FRMD3: variants seen among roughly 807,000 people sequenced by gnomAD.
FRMD3 encodes the protein FERM domain containing 3, also known as FERM domain-containing protein 3.
FRMD3 carries 33 observed loss-of-function variants against 70.2 expected under a neutral mutation model. That is an observed-to-expected ratio of 0.47 (90% confidence interval 0.36 to 0.63). The LOEUF (loss-of-function observed/expected upper bound fraction) is 0.63. Ranked by LOEUF, FRMD3 falls within the 20% of genes least tolerant of loss-of-function variation. The probability of loss-of-function intolerance (pLI) is 0.00; values close to 1 mark genes in which losing one functional copy is unlikely to be tolerated. For synonymous variants in FRMD3, 279 were observed against 255.9 expected (o/e 1.09, Z -0.86); for missense variants, 632 against 711.4 (o/e 0.89, Z 1.27).
rs187451999 is a variant in FRMD3 at position 83,506,895 on chromosome 9, T to G, written c.147+31190A>C. ...TAAGCTTTGTTCTATTTTTGTATTT[T>G]TAAACTTTTTTTCTTTTTAAACTTT... On this transcript the variant is annotated intron_variant, in intron 1 of 13. Transcript: ENST00000304195. Among the ~76,000 whole-genome samples, 8 of 152,348 alleles carry G rather than the reference T, an allele frequency of 5.3e-5. No homozygotes were observed. The East Asian group carries it at 1.5e-3, about 29-fold the overall frequency.
intron 1 of FRMD3, among the ~76,000 whole-genome samples, chr9:83,457,203 A>G (rs1827843492): frequency 6.6e-6 from 1 of 152,224 alleles, no homozygotes. Flanking sequence ...TACACACTTT[A>G]TAAAAACTCA....
intron 1 of FRMD3, among the ~76,000 whole-genome samples, chr9:83,399,260 T>C (rs1587816051): frequency 6.6e-6 from 1 of 152,182 alleles, no homozygotes; most frequent in African/African-American, 2.4e-5. Context: ...GTTAGTAACG[T>C]TTGCCTCTTT....
intron 1 of FRMD3, among the ~76,000 whole-genome samples, chr9:83,450,723 G>A (rs1172479281): frequency 1.3e-5 from 2 of 152,162 alleles, no homozygotes; most frequent in Admixed American, 6.5e-5. Context: ...GTATTGATGG[G>A]CAACCACAAA....
chr9:83,527,279 C>A (rs187866490), intron 1 of FRMD3, among the ~76,000 whole-genome samples: 2 of 152,112 alleles, frequency 1.3e-5, no homozygotes, highest in Non-Finnish European at 2.9e-5. Context: ...CATGGGAAAT[C>A]CTGTTTGAAA....
intron 1 of FRMD3, among the ~76,000 whole-genome samples, chr9:83,414,646 GACAA>G (rs1826378550): frequency 6.6e-6 from 1 of 152,154 alleles, no homozygotes; most frequent in Admixed American, 6.5e-5. Context: ...TAAGCAGAAA[GACAA>G]ACAACCCAAT....
At chr9:83,378,728 T>TATATACTTTATATTATATATA (rs1564047610) in intron 2 of FRMD3, among the ~76,000 whole-genome samples, 17,699 of 92,828 alleles carry the variant, frequency 0.19, 1,652 homozygotes, top group African/African-American at 0.22. Context: ...TTATATATAA[T>TATATACTTTATATTATATATA]ATATATACTT....
intron 1 of FRMD3, among the ~76,000 whole-genome samples, chr9:83,416,945 C>T (rs1826475590): frequency 6.6e-6 from 1 of 152,154 alleles, no homozygotes; most frequent in African/African-American, 2.4e-5. Flanking sequence ...CACACTGTTT[C>T]ATCTAGCCCA....
intron 13 of FRMD3, among the ~76,000 whole-genome samples, chr9:83,281,762 T>C (rs981753032): frequency 2.0e-5 from 3 of 152,206 alleles, no homozygotes; most frequent in African/African-American, 7.2e-5. Context: ...AGCCTGGCTC[T>C]ACTAAGAATT....
intron 1 of FRMD3, among the ~76,000 whole-genome samples, chr9:83,409,956 G>C (rs1826233241): frequency 6.6e-6 from 1 of 152,182 alleles, no homozygotes; most frequent in Non-Finnish European, 1.5e-5. Flanking sequence ...CTGATGGACA[G>C]ATACATGCAT....
At position 83,245,058 on chromosome 9, in the gene FRMD3, G is replaced by C; in HGVS notation, c.*2860C>G. On this transcript the variant is annotated 3_prime_UTR_variant, in exon 14 of 14. Transcript: ENST00000304195. ...AAAATTTAACCCTTTCAGGCTGTGG[G>C]TTTTACCCACCATAGTATCTGAGAG... is the stretch of plus-strand genomic sequence containing the variant. 4 of 985,320 alleles carry C rather than the reference G, an allele frequency of 4.1e-6. No individual in the cohort carries two copies. The highest frequency in any genetic ancestry group is 4.8e-6 in the Non-Finnish European group (4 of 829,888). The allele number at this position is 985,320 out of a possible 1,614,324, so 61.0% of individuals were successfully genotyped here. A position where few individuals can be genotyped will look rare whatever the true frequency, so the allele number is the denominator to read the frequency against.
intron 13 of FRMD3, among the ~76,000 whole-genome samples, chr9:83,251,183 C>G (rs949693720): frequency 6.6e-6 from 1 of 152,186 alleles, no homozygotes; most frequent in African/African-American, 2.4e-5. Flanking sequence ...TTTGCTGTTT[C>G]ATAGCCTTCA....
intron 1 of FRMD3, among the ~76,000 whole-genome samples, chr9:83,488,906 G>A (rs541360402): frequency 6.6e-6 from 1 of 151,916 alleles, no homozygotes; most frequent in Admixed American, 6.6e-5. Flanking sequence ...CAGAGGCTGA[G>A]TTGATTGTCA....
intron 2 of FRMD3, among the ~76,000 whole-genome samples, chr9:83,378,671 T>C: frequency 7.7e-6 from 1 of 130,288 alleles, no homozygotes; most frequent in African/African-American, 2.9e-5. Flanking sequence ...GTATAATTTA[T>C]ATTATATATA....
At chr9:83,274,016 T>G (rs376781872) in intron 13 of FRMD3, among the ~76,000 whole-genome samples, 1 of 152,264 alleles carries the variant, frequency 6.6e-6, no homozygotes, top group East Asian at 1.9e-4. Flanking sequence ...AGACGGCATC[T>G]CACTAGGTTT....
chr9:83,473,893 A>G (rs1828331411), intron 1 of FRMD3, among the ~76,000 whole-genome samples: 1 of 152,234 alleles, frequency 6.6e-6, no homozygotes, highest in Admixed American at 6.5e-5. Flanking sequence ...TATACCAGAT[A>G]AGACAGTAAG....
intron 1 of FRMD3, among the ~76,000 whole-genome samples, chr9:83,435,049 G>T (rs752534580): frequency 6.6e-6 from 1 of 151,786 alleles, no homozygotes; most frequent in African/African-American, 2.4e-5. Flanking sequence ...GGCTGGTCTC[G>T]AACTCCTGAG....
intron 1 of FRMD3, among the ~76,000 whole-genome samples, chr9:83,447,216 G>A (rs940018594): frequency 1.3e-5 from 2 of 152,092 alleles, no homozygotes; most frequent in Admixed American, 1.3e-4. Flanking sequence ...GTAGAGACAG[G>A]GTTTCATCAT....
chr9:83,359,781 G>A (rs928372835), intron 3 of FRMD3, among the ~76,000 whole-genome samples: 4 of 152,112 alleles, frequency 2.6e-5, no homozygotes, highest in Admixed American at 6.5e-5. Flanking sequence ...TGTGGCCTGC[G>A]ACCCGTCGTA....
chr9:83,357,440 C>T (rs184480203), intron 3 of FRMD3, among the ~76,000 whole-genome samples: 57 of 151,208 alleles, frequency 3.8e-4, no homozygotes, highest in Admixed American at 3.3e-3. Context: ...GTACTGGATA[C>T]CCAGTAGTGA....
Sources: gnomAD v4.1 joint callset for allele counts (sites outside exome capture counted in the v4.1 genomes callset) on GRCh38, gnomAD v4.1.1 for gene constraint, MANE v1.5 for transcripts, NCBI Gene and HGNC (gene_info 2026-07-23, HGNC 2026-07-21) for gene names.